Variants in DENND4B observed in about 807,000 individuals in gnomAD.
DENND4B encodes DENN domain containing 4B, also known as DENN domain-containing protein 4B.
Under a neutral mutation model 161.0 loss-of-function variants are expected in DENND4B, and 67 were observed. The observed-to-expected ratio is 0.42, with a 90% CI of 0.34 to 0.51. The LOEUF (loss-of-function observed/expected upper bound fraction) is 0.51, where lower values mean the gene tolerates loss of function less well. Among genes scored for constraint, DENND4B ranks in the 20% least tolerant of loss-of-function variants. The pLI, the probability that DENND4B is intolerant of heterozygous loss-of-function variation, is 0.08. For missense variants in DENND4B, 1,481 were observed against 1,968.0 expected, an observed-to-expected ratio of 0.75 and a Z score of 4.68; for synonymous variants, 753 against 813.8, an observed-to-expected ratio of 0.93 and a Z score of 1.27.
In DENND4B at chr1:153,941,020, T is replaced by C; in HGVS notation, c.1210A>G (p.Ser404Gly). The C allele has an allele frequency of 1.9e-6, 3 of 1,567,364 alleles. No individual in the cohort carries two copies. The highest frequency in any genetic ancestry group is 1.9e-5 in the Admixed American group (1 of 51,868). ...SGASFLQLLQ[S>G]LGPELAITLL... Reference sequence around the variant, plus strand: ...GTGATAGCCAGCTCAGGGCCCAGGCTCTGCAGCAGCTGCAGGAAGCTGGCA... The same window carrying C: ...GTGATAGCCAGCTCAGGGCCCAGGCCCTGCAGCAGCTGCAGGAAGCTGGCA... The change falls in exon 9 of 28, where the codon AGC becomes GGC. Residue 404 changes from serine (S) to glycine (G), a missense_variant. Physicochemically the swap from Ser to Gly is moderately conservative, Grantham distance 56 (BLOSUM62 0). Around this residue, in one of 3 missense-constraint regions of DENND4B, gnomAD observed 806 missense variants for 1,134.4 expected, o/e 0.71. Coordinates refer to ENST00000361217, the MANE Select transcript of DENND4B (RefSeq NM_014856.3).
In DENND4B at chr1:153,934,001, C is replaced by T. The variant is rs896404827; in HGVS notation, c.2942-130G>A. 20 of 1,479,874 alleles carry T rather than the reference C, an allele frequency of 1.4e-5. No individual in the cohort carries two copies. The highest frequency in any genetic ancestry group is 4.0e-5 in the South Asian group (3 of 74,812). The allele number at this position is 1,479,874 out of a possible 1,614,324, so 91.7% of individuals were successfully genotyped here. On this transcript the variant is annotated intron_variant, in intron 19 of 27. Coordinates refer to ENST00000361217, the MANE Select transcript of DENND4B (RefSeq NM_014856.3). This position sits in a 1 kb window ranked among gnomAD's most constrained non-coding sequence, Gnocchi z 5.3. ...ACCCCCACCATGATGATATTCTGGG[C>T]GAGATTCCCTCAGAATCTACAGCAC...
At position 153,936,566 on chromosome 1, in the gene DENND4B, G is replaced by T; in HGVS notation, c.2415C>A (p.Ser805Arg). 6.2e-7 allele frequency: 1 copy of T among 1,604,092 alleles called. No homozygotes were observed. The highest frequency in any genetic ancestry group is 8.5e-7 in the Non-Finnish European group (1 of 1,173,580). The change falls in exon 16 of 28, where the codon AGC (serine) becomes AGA (arginine). Residue 805 changes from serine to arginine, a missense_variant. Ser to Arg is a moderately radical substitution (Grantham distance 110). This residue lies in a region of DENND4B where 806 missense variants were observed against 1,134.4 expected (regional missense o/e 0.71). Coordinates refer to ENST00000361217, the MANE Select transcript of DENND4B (RefSeq NM_014856.3). The surrounding 1 kb of genome is among the most constrained non-coding windows in gnomAD (Gnocchi z 4.1). Reference protein sequence around the residue: ...TAYHVLRQMESGKVVLPDEVC... With the variant: ...TAYHVLRQMERGKVVLPDEVC... ...CCTCATCAGGGAGCACCACCTTGCC[G>T]CTCTCCATCTGGCGCAGCACATGGT...
chr1:153,935,643 A>G (rs941331650), intron 17 of DENND4B, among the ~76,000 whole-genome samples: 2 of 152,242 alleles, frequency 1.3e-5, no homozygotes, highest in African/African-American at 4.8e-5. Context: ...CACTGCACCC[A>G]GCCCTGTGCC....
Position 153,934,375 on chromosome 1 carries a change from T to C in DENND4B, c.2774-73A>G, listed in dbSNP as rs768244274. The C allele has an allele frequency of 9.3e-5, 140 of 1,499,598 alleles. No individual in the cohort carries two copies. Among genetic ancestry groups the C allele is most frequent in the Middle Eastern group, 1.8e-4 (1 of 5,512 alleles). 92.9% of individuals were successfully genotyped at this position (1,499,598 alleles called of 1,614,324 possible). A position where few individuals can be genotyped will look rare whatever the true frequency, so the allele number is the denominator to read the frequency against. On this transcript the variant is annotated intron_variant, in intron 18 of 27. Coordinates refer to ENST00000361217, the MANE Select transcript of DENND4B (RefSeq NM_014856.3). The surrounding 1 kb of genome is among the most constrained non-coding windows in gnomAD (Gnocchi z 5.3). ...TCCCCTGTTCCAAAATAGAGCTCCTTAGATGGACCAGGGTTTGCAGGGTTC... is the reference window on the plus strand; with the variant it reads ...TCCCCTGTTCCAAAATAGAGCTCCTCAGATGGACCAGGGTTTGCAGGGTTC...
At chr1:153,945,686 A>T (rs1362756735) in intron 1 of DENND4B, among the ~76,000 whole-genome samples, 1 of 152,200 alleles carries the variant, frequency 6.6e-6, no homozygotes, top group Non-Finnish European at 1.5e-5. Context: ...ATTCTGGGGC[A>T]CAGACCTGTC....
intron 1 of DENND4B, chr1:153,945,401 G>A: frequency 9.5e-6 from 3 of 315,114 alleles, no homozygotes; most frequent in Non-Finnish European, 1.9e-5. Context: ...CGCCAAGTTG[G>A]AATCTCAGAC....
chr1:153,930,478 G>T lies in DENND4B; in HGVS notation c.4346-36C>A. 6.2e-7 allele frequency: 1 copy of T among 1,613,902 alleles called. No homozygotes were observed. The highest frequency in any genetic ancestry group is 8.5e-7 in the Non-Finnish European group (1 of 1,179,844). On this transcript the variant is annotated intron_variant, in intron 27 of 27. Coordinates refer to ENST00000361217, the MANE Select transcript of DENND4B (RefSeq NM_014856.3). This position sits in a 1 kb window ranked among gnomAD's most constrained non-coding sequence, Gnocchi z 4.7. The stretch of plus-strand genomic sequence containing the variant: ...AGGTGGAAGTCAACATGTTAGGACC[G>T]CAGCCTCCCACACCTGGCCCCAGAT...
At position 153,946,102 on chromosome 1, in the gene DENND4B, G is replaced by T. The variant is rs774369570; in HGVS notation, c.-24+199C>A. ...ACTCCGGCACCCACGGGAGCAGAAGGGGGTGCAGGAGGCCGGGCACGGCGA... is the reference window on the plus strand; with the variant it reads ...ACTCCGGCACCCACGGGAGCAGAAGTGGGTGCAGGAGGCCGGGCACGGCGA... On this transcript the variant is annotated intron_variant, in intron 1 of 27. Coordinates refer to ENST00000361217, the MANE Select transcript of DENND4B (RefSeq NM_014856.3). This position sits in a 1 kb window ranked among gnomAD's most constrained non-coding sequence, Gnocchi z 6.3. Among the ~76,000 whole-genome samples, 7 of 152,198 alleles carry T rather than the reference G, an allele frequency of 4.6e-5. No individual in the cohort carries two copies. The highest frequency in any genetic ancestry group is 3.3e-4 in the Admixed American group (5 of 15,280).
At position 153,933,099 on chromosome 1, in the gene DENND4B, C is replaced by T. The variant is rs1538641; in HGVS notation, c.3454-69G>A. 1 of 1,610,058 alleles carries T rather than the reference C, an allele frequency of 6.2e-7. No homozygotes were observed. The highest frequency in any genetic ancestry group is 8.5e-7 in the Non-Finnish European group (1 of 1,177,366). On this transcript the variant is annotated intron_variant, in intron 21 of 27. Coordinates refer to ENST00000361217, the MANE Select transcript of DENND4B (RefSeq NM_014856.3). The surrounding 1 kb of genome is among the most constrained non-coding windows in gnomAD (Gnocchi z 5.7). ...AGCACTCTGGAGCCCATGCCCCTTCCCCAGCCCCTCCCACCTCCTCCCCAT... is the reference window on the plus strand; with the variant it reads ...AGCACTCTGGAGCCCATGCCCCTTCTCCAGCCCCTCCCACCTCCTCCCCAT...
rs1480901248 is a variant in DENND4B, at chr1:153,940,485, T to G, written c.1448A>C (p.His483Pro). ...ACAGATGACATCAGCAGGCGGGTCATGCAGATCAAAGTAGCTGGAGTGGAT... is the reference window on the plus strand; with the variant it reads ...ACAGATGACATCAGCAGGCGGGTCAGGCAGATCAAAGTAGCTGGAGTGGAT... ...VGIHSSYFDL[H>P]DPPADVICVD... is the part of the protein sequence containing the mutation. The change falls in exon 10 of 28, where the codon CAT (histidine) becomes CCT (proline). Residue 483 changes from histidine (H) to proline (P), a missense_variant. By Grantham distance (77) the His-to-Pro change is moderately conservative. This residue lies in a region of DENND4B where 806 missense variants were observed against 1,134.4 expected (regional missense o/e 0.71). Transcript: ENST00000361217. This position sits in a 1 kb window ranked among gnomAD's most constrained non-coding sequence, Gnocchi z 5.6. The G allele has an allele frequency of 6.2e-7, 1 of 1,613,286 alleles. No homozygotes were observed. Among genetic ancestry groups the G allele is most frequent in the Admixed American group, 1.7e-5 (1 of 59,922 alleles).
Position 153,934,425 on chromosome 1 carries a change from TTG to T in DENND4B, c.2774-125_2774-124del, listed in dbSNP as rs1679194915. ...CCTCCCAGGCAAAACTTTATCCGTT[TTG>T]TGTTTGTTTGTTTGTTTGTTTTGTT... On this transcript the variant is annotated intron_variant, in intron 18 of 27. Transcript: ENST00000361217. This position sits in a 1 kb window ranked among gnomAD's most constrained non-coding sequence, Gnocchi z 5.3. 5 of 1,316,524 alleles carry T rather than the reference TTG, an allele frequency of 3.8e-6. No homozygotes were observed. The highest frequency in any genetic ancestry group is 1.5e-5 in the African/African-American group (1 of 66,480). 81.6% of individuals were successfully genotyped at this position (1,316,524 alleles called of 1,614,324 possible).
At position 153,944,721 on chromosome 1, in the gene DENND4B, A is replaced by G. The variant is rs1228919664; in HGVS notation, c.-23-324T>C. ...CAGTTATAACATCACAGAGATCACA[A>G]TCTTTTTTGTAATAGCCTTCCATGA... On this transcript the variant is annotated intron_variant, in intron 1 of 27. Coordinates refer to ENST00000361217, the MANE Select transcript of DENND4B (RefSeq NM_014856.3). The surrounding 1 kb of genome is among the most constrained non-coding windows in gnomAD (Gnocchi z 4.8). 1.3e-5 allele frequency among the ~76,000 whole-genome samples: 2 copies of G among 152,168 alleles called. No individual in the cohort carries two copies. The highest frequency in any genetic ancestry group is 6.5e-5 in the Admixed American group (1 of 15,280).
In DENND4B at chr1:153,930,548, C is replaced by T. The variant is rs1249215268; in HGVS notation, c.4336G>A (p.Val1446Met). 5.0e-6 allele frequency: 8 copies of T among 1,614,058 alleles called. No individual in the cohort carries two copies. Among genetic ancestry groups the T allele is most frequent in the Admixed American group, 1.7e-5 (1 of 60,030 alleles). ...TTGCCTGCAATCTCACCTATGTCCA[C>T]GTGGTCCTTGCCCAGAGCAGCCATT... Reference protein sequence around the residue: ...LTMAALGKDHVDIVAFDKKYK... With the variant: ...LTMAALGKDHMDIVAFDKKYK... Residue 1446 changes from valine to methionine, a missense_variant, in exon 27 of 28, where the codon GTG becomes ATG. By Grantham distance (21) the Val-to-Met change is conservative. Around this residue, in one of 3 missense-constraint regions of DENND4B, gnomAD observed 336 missense variants for 503.3 expected, o/e 0.67. Coordinates refer to ENST00000361217, the MANE Select transcript of DENND4B (RefSeq NM_014856.3). This position sits in a 1 kb window ranked among gnomAD's most constrained non-coding sequence, Gnocchi z 4.7.
chr1:153,936,806 CTATT>C lies in DENND4B; in HGVS notation c.2233-62_2233-59del, dbSNP rs1179774991. 169 of 1,397,344 alleles carry C rather than the reference CTATT, an allele frequency of 1.2e-4. No homozygotes were observed. The highest frequency in any genetic ancestry group is 4.0e-4 in the South Asian group (26 of 64,658). The allele number at this position is 1,397,344 out of a possible 1,614,324, so 86.6% of individuals were successfully genotyped here. A position where few individuals can be genotyped will look rare whatever the true frequency, so the allele number is the denominator to read the frequency against. On this transcript the variant is annotated intron_variant, in intron 15 of 27. Coordinates refer to ENST00000361217, the MANE Select transcript of DENND4B (RefSeq NM_014856.3). This position sits in a 1 kb window ranked among gnomAD's most constrained non-coding sequence, Gnocchi z 4.1. Reference sequence around the variant, plus strand: ...ACAATGCCAGGTCTTTCTTACTTATCTATTTATTTATTTATTTATGACGGTCTCG... The same window carrying C: ...ACAATGCCAGGTCTTTCTTACTTATCTATTTATTTATTTATGACGGTCTCG...
Position 153,932,457 on chromosome 1 carries a change from G to T in DENND4B, c.3760-17C>A. Reference sequence around the variant, plus strand: ...GGAGGCTCCCTATCAGGCACAAAGGGGGAGGGCAGTAGAGGGCATGTACAT... The same window carrying T: ...GGAGGCTCCCTATCAGGCACAAAGGTGGAGGGCAGTAGAGGGCATGTACAT... On this transcript the variant is annotated splice_polypyrimidine_tract_variant and intron_variant, in intron 23 of 27. Transcript: ENST00000361217. This position sits in a 1 kb window ranked among gnomAD's most constrained non-coding sequence, Gnocchi z 5.8. 1 of 1,594,244 alleles carries T rather than the reference G, an allele frequency of 6.3e-7. No individual in the cohort carries two copies. The highest frequency in any genetic ancestry group is 8.5e-7 in the Non-Finnish European group (1 of 1,170,480).
In DENND4B at chr1:153,933,818, C is replaced by A; in HGVS notation, c.2995G>T (p.Asp999Tyr). 3.1e-6 allele frequency: 5 copies of A among 1,613,196 alleles called. No homozygotes were observed. Among genetic ancestry groups the A allele is most frequent in the Non-Finnish European group, 4.2e-6 (5 of 1,179,752 alleles). ...AGGCTCAGGTCTGAGAGACTTCCAT[C>A]GTGCCAGGGCACAGGTGATCCCCGG... ...EPRGSPVPWH[D>Y]GSLSDLSLTG... The change falls in exon 20 of 28, where the codon GAT becomes TAT. Residue 999 changes from aspartate (D) to tyrosine (Y), a missense_variant. Around this residue, in one of 3 missense-constraint regions of DENND4B, gnomAD observed 339 missense variants for 330.3 expected, o/e 1.03. Coordinates refer to ENST00000361217, the MANE Select transcript of DENND4B (RefSeq NM_014856.3). The surrounding 1 kb of genome is among the most constrained non-coding windows in gnomAD (Gnocchi z 5.7).
At position 153,936,883 on chromosome 1, in the gene DENND4B, A is replaced by G; in HGVS notation, c.2233-135T>C. The stretch of plus-strand genomic sequence containing the variant: ...CAGTGGCGCAATCTTGGCTCACTGC[A>G]GACTCGGCCTCCTGGGCTCAAGCGA... On this transcript the variant is annotated intron_variant, in intron 15 of 27. Coordinates refer to ENST00000361217, the MANE Select transcript of DENND4B (RefSeq NM_014856.3). The surrounding 1 kb of genome is among the most constrained non-coding windows in gnomAD (Gnocchi z 4.1). 1.2e-6 allele frequency: 1 copy of G among 842,094 alleles called. No individual in the cohort carries two copies. Among genetic ancestry groups the G allele is most frequent in the Non-Finnish European group, 1.7e-6 (1 of 573,730 alleles). The allele number at this position is 842,094 out of a possible 1,614,324, so 52.2% of individuals were successfully genotyped here.
Position 153,933,379 on chromosome 1 carries a change from G to A in DENND4B, c.3331-60C>T. ...CCATGCTCTTCCACCCAGGATATGT[G>A]TTTCAAGCACCCCTCAGAGCCCCCT... On this transcript the variant is annotated intron_variant, in intron 20 of 27. Transcript: ENST00000361217. The surrounding 1 kb of genome is among the most constrained non-coding windows in gnomAD (Gnocchi z 5.7). The A allele has an allele frequency of 6.2e-7, 1 of 1,611,552 alleles. No individual in the cohort carries two copies.
Position 153,930,443 on chromosome 1 carries a change from C to G in DENND4B, c.4346-1G>C. 6.2e-7 allele frequency: 1 copy of G among 1,613,914 alleles called. No homozygotes were observed. The highest frequency in any genetic ancestry group is 8.5e-7 in the Non-Finnish European group (1 of 1,179,824). ...GACTTGTACTTCTTATCGAAGGCCA[C>G]TAGGGAAGAAGGTGGAAGTCAACAT... On this transcript the variant is annotated splice_acceptor_variant, in intron 27 of 27. Coordinates refer to ENST00000361217, the MANE Select transcript of DENND4B (RefSeq NM_014856.3). LOFTEE classifies it high-confidence loss of function. The surrounding 1 kb of genome is among the most constrained non-coding windows in gnomAD (Gnocchi z 4.7).
Sources: gnomAD v4.1 joint callset for allele counts (sites outside exome capture counted in the v4.1 genomes callset) on GRCh38, gnomAD v4.1.1 for gene constraint, gnomAD v4.1.1 regional missense constraint, Gnocchi (gnomAD v3.1) non-coding constraint, MANE v1.5 for transcripts, NCBI Gene and HGNC (gene_info 2026-07-23, HGNC 2026-07-21) for gene names.